LPO: variants seen among roughly 807,000 people sequenced by gnomAD.
The protein encoded by LPO is salivary peroxidase.
A neutral mutation model predicts 68.4 loss-of-function variants in LPO; 70 were observed. The ratio of observed to expected loss-of-function variants is 1.02; its 90% CI spans 0.84 to 1.25. The LOEUF (loss-of-function observed/expected upper bound fraction) is 1.25. Among genes scored for constraint, LPO ranks in the 50% most tolerant of loss-of-function variants. LPO has a pLI of 0.00. For synonymous variants in LPO, 360 were observed against 357.6 expected (o/e 1.01, Z -0.08); for missense variants, 873 against 908.4 (o/e 0.96, Z 0.50).
intron 8 of LPO, 115 bp from the exon 9 acceptor site, chr17:58,254,696 G>C: frequency 1.0e-6 from 1 of 1,004,496 alleles, no homozygotes; most frequent in African/African-American, 1.6e-5. Flanking sequence ...AGGGCTTGTT[G>C]ACGGGGCGGG....
chr17:58,258,587 TTTG>T (rs1188713830), intron 9 of LPO, among the ~76,000 whole-genome samples: 1 of 152,226 alleles, frequency 6.6e-6, no homozygotes, highest in Non-Finnish European at 1.5e-5. Flanking sequence ...TTCTTCTGGT[TTTG>T]TTCTTTTTGC....
In LPO at chr17:58,248,409, C is replaced by T. The variant is rs73314128; in HGVS notation, c.326-651C>T. Among the ~76,000 whole-genome samples the T allele has an allele frequency of 3.2e-3, 485 of 152,226 alleles. 5 individuals are homozygous for T. The highest frequency in any genetic ancestry group is 0.011 in the African/African-American group (449 of 41,538). ...CTGCCACCTTTCAGAGATGGCCCCC[C>T]GGAAGAAGCCCCCATGAGCCAGATT... On this transcript the variant is annotated intron_variant, in intron 4 of 12. Coordinates refer to ENST00000262290, the MANE Select transcript of LPO (RefSeq NM_006151.3).
chr17:58,247,565 C>T lies in LPO; in HGVS notation c.252C>T (p.Ala84=). The change falls in exon 4 of 13, where the codon GCC becomes GCT. Residue 84 remains alanine, a synonymous_variant. Transcript: ENST00000262290. ...ATGCCAAAGGCCGGACGCGCACAGC[C>T]ATCCGCAATGGACAGGTGTGGGAGG... ...LKHAKGRTRT[A]IRNGQVWEES... is the part of the protein sequence containing the mutation. 2 of 1,614,196 alleles carry T rather than the reference C, an allele frequency of 1.2e-6. No homozygotes were observed. The highest frequency in any genetic ancestry group is 1.7e-6 in the Non-Finnish European group (2 of 1,180,030).
chr17:58,263,265 T>A (rs565903624), intron 9 of LPO, among the ~76,000 whole-genome samples: 1 of 152,378 alleles, frequency 6.6e-6, no homozygotes, highest in Non-Finnish European at 1.5e-5. Flanking sequence ...ATTTTTATAA[T>A]GGCTGCTTTT....
In LPO at chr17:58,254,668, A is replaced by G. The variant is rs998894594; in HGVS notation, c.1106-143A>G. ...GATTCAGTACCCCCTCCCCATCCCT[A>G]TTCACCTGACGGGAAGTAGGGCTTG... On this transcript the variant is annotated intron_variant, in intron 8 of 12. Coordinates refer to ENST00000262290, the MANE Select transcript of LPO (RefSeq NM_006151.3). 85 of 643,506 alleles carry G rather than the reference A, an allele frequency of 1.3e-4. No homozygotes were observed. The African/African-American group carries it at 2.0e-3, about 15-fold the overall frequency. 39.9% of individuals were successfully genotyped at this position (643,506 alleles called of 1,614,324 possible).
chr17:58,239,386 G>A (rs1162631056), intron 1 of LPO, among the ~76,000 whole-genome samples: 1 of 151,464 alleles, frequency 6.6e-6, no homozygotes. Context: ...GGGGGAATGG[G>A]GTGGTTAAAT....
chr17:58,248,143 C>T (rs1227300327), intron 4 of LPO, among the ~76,000 whole-genome samples: 1 of 152,142 alleles, frequency 6.6e-6, no homozygotes, highest in Middle Eastern at 3.2e-3. Context: ...TGGCCTCCTC[C>T]ATCCCCTCCA....
chr17:58,243,177 T>C, intron 2 of LPO, 122 bp downstream of exon 2: 1 of 934,450 alleles, frequency 1.1e-6, no homozygotes, highest in Admixed American at 1.8e-5. Flanking sequence ...AAAATCAAGG[T>C]GTTGGCAGGG....
At chr17:58,249,226 C>T (rs1298797192) in intron 5 of LPO, 49 bp downstream of exon 5, 1 of 1,532,904 alleles carries the variant, frequency 6.5e-7, no homozygotes, top group Non-Finnish European at 9.0e-7. Context: ...CACTCCGCCC[C>T]GCCCTGCCAA....
intron 9 of LPO, among the ~76,000 whole-genome samples, chr17:58,262,699 C>T (rs1006812278): frequency 4.6e-5 from 7 of 152,174 alleles, no homozygotes; most frequent in Non-Finnish European, 1.0e-4. Context: ...AGCCCTTTAC[C>T]ATTACTTGAA....
In LPO at chr17:58,267,975, G is replaced by C. The variant is rs1970307890; in HGVS notation, c.2120G>C (p.Trp707Ser). ...SAIDKLDLSP[W>S]ASVKN ...ATCGACAAGCTGGACCTGTCACCCTGGGCCTCAGTGAAGAATTAGGGGCCC... is the reference window on the plus strand; with the variant it reads ...ATCGACAAGCTGGACCTGTCACCCTCGGCCTCAGTGAAGAATTAGGGGCCC... Residue 707 changes from tryptophan to serine, a missense_variant, in exon 13 of 13, where the codon TGG (tryptophan) becomes TCG (serine). Coordinates refer to ENST00000262290, the MANE Select transcript of LPO (RefSeq NM_006151.3). 1 of 1,613,712 alleles carries C rather than the reference G, an allele frequency of 6.2e-7. No homozygotes were observed. The highest frequency in any genetic ancestry group is 8.5e-7 in the Non-Finnish European group (1 of 1,180,040).
chr17:58,244,125 ACACAC>A, intron 3 of LPO, 44 bp downstream of exon 3: 1 of 1,316,622 alleles, frequency 7.6e-7, no homozygotes, highest in Non-Finnish European at 1.1e-6. Context: ...ACACACACAC[ACACAC>A]ACTTCCCTTC....
chr17:58,267,824 C>T lies in LPO; in HGVS notation c.1969C>T (p.Gln657Ter), dbSNP rs550836787. The change falls in exon 13 of 13, where the codon CAG becomes TAG. Residue 657 changes from glutamine (Q) to a stop codon, truncating the protein, a stop_gained. Coordinates refer to ENST00000262290, the MANE Select transcript of LPO (RefSeq NM_006151.3). LOFTEE classifies it low-confidence loss of function (END_TRUNC). ...AAACCCTGGGGTCTTCACGAACGAG[C>T]AGAAGGACTCTCTACAGAAAATGTC... ...WENPGVFTNEQKDSLQKMSFS... is the reference protein window; with the variant it reads ...WENPGVFTNE The T allele has an allele frequency of 6.2e-7, 1 of 1,614,136 alleles. No individual in the cohort carries two copies. Among genetic ancestry groups the T allele is most frequent in the South Asian group, 1.1e-5 (1 of 91,076 alleles).
intron 1 of LPO, among the ~76,000 whole-genome samples, chr17:58,240,985 A>T (rs751127396): frequency 9.2e-5 from 14 of 152,202 alleles, no homozygotes; most frequent in Non-Finnish European, 1.5e-4. Context: ...CAGTTTTTAC[A>T]GGATGAAAAT....
At chr17:58,256,589 G>A (rs568445987) in intron 9 of LPO, among the ~76,000 whole-genome samples, 72 of 152,120 alleles carry the variant, frequency 4.7e-4, no homozygotes, top group African/African-American at 1.7e-3. Flanking sequence ...GCTGAGGTGA[G>A]CAGATCATAA....
chr17:58,253,334 G>A (rs1440543587), intron 8 of LPO, among the ~76,000 whole-genome samples: 2 of 151,966 alleles, frequency 1.3e-5, no homozygotes, highest in Non-Finnish European at 2.9e-5. Context: ...AATCCTACTT[G>A]GGGGAATTTA....
At chr17:58,254,710 GGC>G in intron 8 of LPO, 99 bp from the exon 9 acceptor site, 2 of 1,153,062 alleles carry the variant, frequency 1.7e-6, no homozygotes, top group Admixed American at 2.3e-5. Flanking sequence ...GGGCGGGGGG[GGC>G]GGGGCGCGGT....
chr17:58,242,830 G>A (rs1405249094), intron 1 of LPO, 148 bp from the exon 2 acceptor site: 1 of 654,862 alleles, frequency 1.5e-6, no homozygotes, highest in Non-Finnish European at 2.7e-6. Context: ...GTGTATGGTA[G>A]ATGCTTCATT....
At chr17:58,239,353 C>T (rs962249040) in intron 1 of LPO, among the ~76,000 whole-genome samples, 2 of 150,942 alleles carry the variant, frequency 1.3e-5, no homozygotes, top group African/African-American at 4.9e-5. Context: ...CTGTATGCAG[C>T]GGTAGTAGGC....
Sources: allele counts gnomAD v4.1 joint callset (sites outside exome capture counted in the v4.1 genomes callset), GRCh38; gene constraint gnomAD v4.1.1; transcripts MANE v1.5; gene names NCBI Gene and HGNC (gene_info 2026-07-23, HGNC 2026-07-21).